IRF2BP2: variants seen among roughly 807,000 people sequenced by gnomAD.
IRF2BP2 encodes the protein interferon regulatory factor 2-binding protein 2.
In IRF2BP2, 13 loss-of-function variants were observed where a neutral mutation model predicts 32.7. That is an observed-to-expected ratio of 0.40 (90% CI 0.26 to 0.63). The LOEUF is 0.63. IRF2BP2 is among the 30% of genes least tolerant of loss of function. The pLI, the probability that IRF2BP2 is intolerant of heterozygous loss-of-function variation, is 0.42. For synonymous variants in IRF2BP2, 555 were observed against 384.6 expected (o/e 1.44, Z -5.18); for missense variants, 980 against 830.6 (o/e 1.18, Z -2.21).
intron 1 of IRF2BP2, 39 bp from the exon 2 acceptor site, chr1:234,607,891 A>T (rs1394422635): frequency 6.9e-7 from 1 of 1,453,638 alleles, no homozygotes; most frequent in African/African-American, 1.4e-5. Flanking sequence ...AGGTAACATA[A>T]GTGGCGGTGC....
chr1:234,609,143 G>C lies in IRF2BP2; in HGVS notation c.352C>G (p.Pro118Ala), dbSNP rs148187914. Residue 118 changes from proline (P) to alanine (A), a missense_variant, in exon 1 of 2, where the codon CCG becomes GCG. Physicochemically the swap from Pro to Ala is conservative, Grantham distance 27 (BLOSUM62 -1). Transcript: ENST00000366609. The stretch of plus-strand genomic sequence containing the variant: ...GGCCTCTCGGCCGCGGCCGCCAACG[G>C]GTAGCGCTCCAAGGCCTGCGGCGCG... ...PRAPQALERY[P>A]LAAAAERPPR... The C allele has an allele frequency of 9.3e-4, 1,152 of 1,241,462 alleles. 1 individual carries two copies. The highest frequency in any genetic ancestry group is 6.7e-3 in the South Asian group (203 of 30,408). 76.9% of individuals were successfully genotyped at this position (1,241,462 alleles called of 1,614,324 possible).
In IRF2BP2 at chr1:234,609,158, C is replaced by G; in HGVS notation, c.337G>C (p.Ala113Pro). 1 of 1,272,302 alleles carries G rather than the reference C, an allele frequency of 7.9e-7. No individual in the cohort carries two copies. Among genetic ancestry groups the G allele is most frequent in the Non-Finnish European group, 9.9e-7 (1 of 1,012,830 alleles). 78.8% of individuals were successfully genotyped at this position (1,272,302 alleles called of 1,614,324 possible). A position where few individuals can be genotyped will look rare whatever the true frequency, so the allele number is the denominator to read the frequency against. The change falls in exon 1 of 2, where the codon GCC (alanine) becomes CCC (proline). Residue 113 changes from alanine to proline, a missense_variant. Coordinates refer to ENST00000366609, the MANE Select transcript of IRF2BP2 (RefSeq NM_182972.3). ...GCCGCCAACGGGTAGCGCTCCAAGG[C>G]CTGCGGCGCGCGCGGGGCCGCCTCG... The part of the protein sequence containing the change: ...GPEAAPRAPQ[A>P]LERYPLAAAA...
In IRF2BP2 at chr1:234,606,128, A is replaced by C. The variant is rs1292857593; in HGVS notation, c.*1009T>G. 2.0e-5 allele frequency: 3 copies of C among 152,296 alleles called. No homozygotes were observed. 9.4% of individuals were successfully genotyped at this position (152,296 alleles called of 1,614,324 possible). A position where few individuals can be genotyped will look rare whatever the true frequency, so the allele number is the denominator to read the frequency against. On this transcript the variant is annotated 3_prime_UTR_variant, in exon 2 of 2. Coordinates refer to ENST00000366609, the MANE Select transcript of IRF2BP2 (RefSeq NM_182972.3). ...GGGTATAGGTGATAGTATCAACAGC[A>C]ATAGCACTACAGGTAAATGATAAAC...
rs978775478 is a variant in IRF2BP2 at position 234,609,769 on chromosome 1, GGCGGC to G, written c.-280_-276del. On this transcript the variant is annotated 5_prime_UTR_variant, in exon 1 of 2. Coordinates refer to ENST00000366609, the MANE Select transcript of IRF2BP2 (RefSeq NM_182972.3). The stretch of plus-strand genomic sequence containing the variant: ...CCCCCGGCCGGCCCGGGCACGGGCG[GGCGGC>G]GCGGCGCGGCGGGGCGGCGGGCGCG... 8.3e-5 allele frequency among the ~76,000 whole-genome samples: 12 copies of G among 144,342 alleles called. No homozygotes were observed. The highest frequency in any genetic ancestry group is 2.0e-4 in the East Asian group (1 of 4,896). The allele number at this position is 144,342 out of a possible 152,430, so 94.7% of individuals were successfully genotyped here.
At position 234,609,040 on chromosome 1, in the gene IRF2BP2, GGCGGCGGCT is replaced by G. The variant is rs770925448; in HGVS notation, c.446_454del (p.Gln149_Pro151del). On this transcript the variant is annotated inframe_deletion, in exon 1 of 2. Transcript: ENST00000366609. ...GTTGGGCACCAGGATGCCGTTCACG[GGCGGCGGCT>G]GCGGCGTCGGCGGCTGGGCCAGGCT... 1 of 1,302,832 alleles carries G rather than the reference GGCGGCGGCT, an allele frequency of 7.7e-7. No individual in the cohort carries two copies. The highest frequency in any genetic ancestry group is 9.7e-7 in the Non-Finnish European group (1 of 1,027,910). 80.7% of individuals were successfully genotyped at this position (1,302,832 alleles called of 1,614,324 possible). A position where few individuals can be genotyped will look rare whatever the true frequency, so the allele number is the denominator to read the frequency against.
At position 234,605,841 on chromosome 1, in the gene IRF2BP2, C is replaced by T. The variant is rs746608114; in HGVS notation, c.*1296G>A. The T allele has an allele frequency of 2.6e-5, 4 of 152,142 alleles. No individual in the cohort carries two copies. The highest frequency in any genetic ancestry group is 4.4e-5 in the Non-Finnish European group (3 of 68,012). 9.4% of individuals were successfully genotyped at this position (152,142 alleles called of 1,614,324 possible). ...ATAGTGATCAAAAGAAATTAGTTTA[C>T]AAAAAGACTTCTAAAAATATTTTGA... On this transcript the variant is annotated 3_prime_UTR_variant, in exon 2 of 2. Transcript: ENST00000366609.
In IRF2BP2 at chr1:234,608,507, C is replaced by G; in HGVS notation, c.988G>C (p.Ala330Pro). 6.2e-7 allele frequency: 1 copy of G among 1,609,666 alleles called. No homozygotes were observed. The highest frequency in any genetic ancestry group is 8.5e-7 in the Non-Finnish European group (1 of 1,178,426). Residue 330 changes from alanine to proline, a missense_variant, in exon 1 of 2, where the codon GCC becomes CCC. Coordinates refer to ENST00000366609, the MANE Select transcript of IRF2BP2 (RefSeq NM_182972.3). ...PFESKFKKEP[A>P]LTAGRLLGFE... The stretch of plus-strand genomic sequence containing the variant: ...CCCAACAACCTGCCTGCAGTCAGGG[C>G]CGGCTCCTTCTTAAACTTGCTCTCG...
rs1256386013 is a variant in IRF2BP2, at chr1:234,604,812, T to A, written c.*2325A>T. On this transcript the variant is annotated 3_prime_UTR_variant, in exon 2 of 2. Transcript: ENST00000366609. ...ACAAAAGATCAAACCCATGTCCCGA[T>A]GTTAACTTTTTAACTTAAAAGAATG... The A allele has an allele frequency of 6.6e-6, 1 of 152,214 alleles. No individual in the cohort carries two copies. The highest frequency in any genetic ancestry group is 2.4e-5 in the African/African-American group (1 of 41,460). 9.4% of individuals were successfully genotyped at this position (152,214 alleles called of 1,614,324 possible).
rs1316149402 is a variant in IRF2BP2 at position 234,606,930 on chromosome 1, AG to A, written c.*206del. ...AAGATATGCTAATAACGTTAACAAA[AG>A]AAAAAAATGTCTTTATAAGTACATA... On this transcript the variant is annotated 3_prime_UTR_variant, in exon 2 of 2. Transcript: ENST00000366609. 2 of 470,372 alleles carry A rather than the reference AG, an allele frequency of 4.3e-6. No homozygotes were observed. The highest frequency in any genetic ancestry group is 3.8e-6 in the Non-Finnish European group (1 of 265,622). 29.1% of individuals were successfully genotyped at this position (470,372 alleles called of 1,614,324 possible).
Position 234,609,000 on chromosome 1 carries a change from T to C in IRF2BP2, c.495A>G (p.Leu165=), listed in dbSNP as rs770595867. The change falls in exon 1 of 2, where the codon CTA becomes CTG. Residue 165 remains leucine (L), a synonymous_variant. Transcript: ENST00000366609. ...GILVPNGFSK[L]EEPPELNRQS... is the part of the protein sequence containing the mutation. Reference sequence around the variant, plus strand: ...GGCGATTCAGCTCGGGCGGCTCCTCTAGCTTGGAGAAGCCGTTGGGCACCA... The same window carrying C: ...GGCGATTCAGCTCGGGCGGCTCCTCCAGCTTGGAGAAGCCGTTGGGCACCA... The C allele has an allele frequency of 1.5e-6, 2 of 1,337,904 alleles. No homozygotes were observed. Among genetic ancestry groups the C allele is most frequent in the Non-Finnish European group, 1.9e-6 (2 of 1,048,798 alleles). The allele number at this position is 1,337,904 out of a possible 1,614,324, so 82.9% of individuals were successfully genotyped here.
chr1:234,609,092 T>TGCC lies in IRF2BP2; in HGVS notation c.400_402dup (p.Gly134dup). The stretch of plus-strand genomic sequence containing the variant: ...GCCAGGCTCGCTGCCGGGCGGCTGC[T>TGCC]GCCGAAGTCAGAGCCGAGGCGCGGG... On this transcript the variant is annotated inframe_insertion, in exon 1 of 2. Transcript: ENST00000366609. 1 of 1,238,940 alleles carries TGCC rather than the reference T, an allele frequency of 8.1e-7. No homozygotes were observed. The highest frequency in any genetic ancestry group is 1.0e-6 in the Non-Finnish European group (1 of 993,470). The allele number at this position is 1,238,940 out of a possible 1,614,324, so 76.7% of individuals were successfully genotyped here. A position where few individuals can be genotyped will look rare whatever the true frequency, so the allele number is the denominator to read the frequency against.
chr1:234,607,590 GC>G lies in IRF2BP2; in HGVS notation c.1310del (p.Gly437AlafsTer28). The G allele has an allele frequency of 6.2e-7, 1 of 1,614,242 alleles. No individual in the cohort carries two copies. The highest frequency in any genetic ancestry group is 8.5e-7 in the Non-Finnish European group (1 of 1,180,052). On this transcript the variant is annotated frameshift_variant, in exon 2 of 2. Coordinates refer to ENST00000366609, the MANE Select transcript of IRF2BP2 (RefSeq NM_182972.3). LOFTEE classifies it high-confidence loss of function. ...GGTTGGCATCTTTTGAGGCATGACT[GC>G]CCCCTGCATTGTCTGCTACTAAGAT... ...ALILVADNAG[G>X]SHASKDANQV...
rs1262773120 is a variant in IRF2BP2, at chr1:234,609,597, C to A, written c.-103G>T. 1.8e-6 allele frequency: 1 copy of A among 565,264 alleles called. No homozygotes were observed. Among genetic ancestry groups the A allele is most frequent in the Admixed American group, 4.7e-5 (1 of 21,486 alleles). 35.0% of individuals were successfully genotyped at this position (565,264 alleles called of 1,614,324 possible). On this transcript the variant is annotated 5_prime_UTR_variant, in exon 1 of 2. Transcript: ENST00000366609. ...CGCGCGCCCTCCTCCCCCCCCAACC[C>A]CGCGTCTCCCCCACCAGCGGCGGCG...
rs1046899734 is a variant in IRF2BP2, at chr1:234,608,694, C to G, written c.801G>C (p.Arg267=). 2.7e-6 allele frequency: 4 copies of G among 1,506,352 alleles called. No individual in the cohort carries two copies. The highest frequency in any genetic ancestry group is 2.1e-5 in the Admixed American group (1 of 46,542). 93.3% of individuals were successfully genotyped at this position (1,506,352 alleles called of 1,614,324 possible). The change falls in exon 1 of 2, where the codon CGG becomes CGC. Residue 267 remains arginine (R), a synonymous_variant. Coordinates refer to ENST00000366609, the MANE Select transcript of IRF2BP2 (RefSeq NM_182972.3). ...CGGTGGACAGGCTGTCGGCCGGGCC[C>G]CGGTGCGCAGGCGGCGGCGGTTGTT... is the stretch of plus-strand genomic sequence containing the variant. The part of the protein sequence containing the change: ...KEKQPPPPAH[R]GPADSLSTAA...
In IRF2BP2 at chr1:234,607,143, GTC is replaced by G. The variant is rs764480409; in HGVS notation, c.1756_1757del (p.Asp586LeufsTer15). On this transcript the variant is annotated frameshift_variant, in exon 2 of 2. Transcript: ENST00000366609. LOFTEE classifies it high-confidence loss of function. ...AGDVKVKKER[D>X]S ...TTTTCTGAAACCGGAAAAGTCACGA[GTC>G]TCTCTCTTTTTTCACTTTCACATCT... is the stretch of plus-strand genomic sequence containing the variant. 22 of 1,606,226 alleles carry G rather than the reference GTC, an allele frequency of 1.4e-5. No homozygotes were observed. Among genetic ancestry groups the G allele is most frequent in the East Asian group, 2.2e-5 (1 of 44,700 alleles).
rs777663951 is a variant in IRF2BP2 at position 234,608,930 on chromosome 1, C to CCAG, written c.562_564dup (p.Leu188dup). ...GTGGCCGAGCCGTTCATGAGCGGCA[C>CCAG]CAGGGTGGGCGGCACCGCGTGGCCG... On this transcript the variant is annotated inframe_insertion, in exon 1 of 2. Transcript: ENST00000366609. 1 of 1,372,958 alleles carries CCAG rather than the reference C, an allele frequency of 7.3e-7. No individual in the cohort carries two copies. Among genetic ancestry groups the CCAG allele is most frequent in the Non-Finnish European group, 9.4e-7 (1 of 1,069,196 alleles). 85.0% of individuals were successfully genotyped at this position (1,372,958 alleles called of 1,614,324 possible).
At position 234,606,772 on chromosome 1, in the gene IRF2BP2, C is replaced by CT. The variant is rs563927005; in HGVS notation, c.*364dup. ...TTACAATGTCAGAAAATGTATTTGG[C>CT]TTTTTTTTTCTTTTTAAAATAAGTG... is the stretch of plus-strand genomic sequence containing the variant. On this transcript the variant is annotated 3_prime_UTR_variant, in exon 2 of 2. Coordinates refer to ENST00000366609, the MANE Select transcript of IRF2BP2 (RefSeq NM_182972.3). The CT allele has an allele frequency of 1.6e-4, 25 of 160,272 alleles. No individual in the cohort carries two copies. Among genetic ancestry groups the CT allele is most frequent in the South Asian group, 3.5e-4 (2 of 5,674 alleles). The allele number at this position is 160,272 out of a possible 1,614,324, so 9.9% of individuals were successfully genotyped here.
chr1:234,607,073 T>G lies in IRF2BP2; in HGVS notation c.*64A>C, dbSNP rs6656006. On this transcript the variant is annotated 3_prime_UTR_variant, in exon 2 of 2. Coordinates refer to ENST00000366609, the MANE Select transcript of IRF2BP2 (RefSeq NM_182972.3). ...TCTTGGATATATATATATATGGAGA[T>G]ATATATACAATTCAAGCAGTTTTAA... 3.7e-5 allele frequency: 39 copies of G among 1,063,192 alleles called. No homozygotes were observed. In the African/African-American group the frequency reaches 5.4e-4, roughly 15 times the overall value. The allele number at this position is 1,063,192 out of a possible 1,614,324, so 65.9% of individuals were successfully genotyped here. A position where few individuals can be genotyped will look rare whatever the true frequency, so the allele number is the denominator to read the frequency against.
chr1:234,607,068 G>T lies in IRF2BP2; in HGVS notation c.*69C>A. 1 of 972,412 alleles carries T rather than the reference G, an allele frequency of 1.0e-6. No homozygotes were observed. Among genetic ancestry groups the T allele is most frequent in the Non-Finnish European group, 1.6e-6 (1 of 635,610 alleles). The allele number at this position is 972,412 out of a possible 1,614,324, so 60.2% of individuals were successfully genotyped here. On this transcript the variant is annotated 3_prime_UTR_variant, in exon 2 of 2. Coordinates refer to ENST00000366609, the MANE Select transcript of IRF2BP2 (RefSeq NM_182972.3). ...CCTTGTCTTGGATATATATATATAT[G>T]GAGATATATATACAATTCAAGCAGT...
Sources: gnomAD v4.1 joint callset for allele counts (sites outside exome capture counted in the v4.1 genomes callset) on GRCh38, gnomAD v4.1.1 for gene constraint, MANE v1.5 for transcripts, NCBI Gene and HGNC (gene_info 2026-07-23, HGNC 2026-07-21) for gene names.